The following KIF17 variants were observed in gnomAD, a reference collection of about 807,000 sequenced individuals.
KIF17 encodes kinesin-like protein KIF17.
Under a neutral mutation model 96.8 loss-of-function variants are expected in KIF17, and 80 were observed. The observed-to-expected ratio is 0.83, with a 90% confidence interval of 0.69 to 1.00. The LOEUF (loss-of-function observed/expected upper bound fraction) is 1.00. Ranked by LOEUF, KIF17 falls within the 50% of genes least tolerant of loss-of-function variation. KIF17 has a pLI of 0.00. For synonymous variants in KIF17, 567 were observed against 587.5 expected (o/e 0.97, Z 0.51); for missense variants, 1,280 against 1,372.9 (o/e 0.93, Z 1.07).
At position 20,704,708 on chromosome 1, in the gene KIF17, G is replaced by T; in HGVS notation, c.862C>A (p.Arg288Ser). 2 of 1,613,888 alleles carry T rather than the reference G, an allele frequency of 1.2e-6. No homozygotes were observed. Among genetic ancestry groups the T allele is most frequent in the Non-Finnish European group, 1.7e-6 (2 of 1,179,900 alleles). Residue 288 changes from arginine to serine, a missense_variant, in exon 5 of 15, where the codon CGT becomes AGT. Coordinates refer to ENST00000400463, the MANE Select transcript of KIF17 (RefSeq NM_001122819.3). This position sits in a 1 kb window ranked among gnomAD's most constrained non-coding sequence, Gnocchi z 6.8. ...AGCAGCCGCGTCAGCTTCGAGTCAC[G>T]GTAGGGGACGTGCTTACAGCGCCCG... The part of the protein sequence containing the change: ...VDGRCKHVPY[R>S]DSKLTRLLQD...
rs554887453 is a variant in KIF17, at chr1:20,713,753, G to A, written c.379-198C>T. The stretch of plus-strand genomic sequence containing the variant: ...CTCTCCTGTCTCCAGCTTGGTGGGC[G>A]CTCAGGCCTCTTTGAGTTGCATAAT... On this transcript the variant is annotated intron_variant, in intron 2 of 14. Coordinates refer to ENST00000400463, the MANE Select transcript of KIF17 (RefSeq NM_001122819.3). 7.2e-5 allele frequency among the ~76,000 whole-genome samples: 11 copies of A among 152,174 alleles called. No homozygotes were observed. The South Asian group carries it at 1.7e-3, about 23-fold the overall frequency.
At chr1:20,662,718 C>T (rs2053457860), downstream of KIF17, among the ~76,000 whole-genome samples, 1 of 152,244 alleles carries the variant, frequency 6.6e-6, no homozygotes, top group African/African-American at 2.4e-5. Flanking sequence ...GCAGCCTCGT[C>T]CCCTCTCAGT....
chr1:20,717,669 C>T lies in KIF17; in HGVS notation c.38G>A (p.Arg13His), dbSNP rs762667120. 20 of 1,601,146 alleles carry T rather than the reference C, an allele frequency of 1.2e-5. No homozygotes were observed. The highest frequency in any genetic ancestry group is 1.6e-5 in the Non-Finnish European group (19 of 1,178,320). The stretch of plus-strand genomic sequence containing the variant: ...CTCTCGCTCCCGCTGGTTCATGGGA[C>T]GGCAGCGCACGACAACCTTCACCGC... The part of the protein sequence containing the change: ...SEAVKVVVRC[R>H]PMNQRERELR... Residue 13 changes from arginine (R) to histidine (H), a missense_variant, in exon 1 of 15, where the codon CGT becomes CAT. Coordinates refer to ENST00000400463, the MANE Select transcript of KIF17 (RefSeq NM_001122819.3).
intron 7 of KIF17, among the ~76,000 whole-genome samples, chr1:20,688,296 C>G (rs1474159473): frequency 6.6e-6 from 1 of 152,054 alleles, no homozygotes; most frequent in Non-Finnish European, 1.5e-5. Flanking sequence ...GATCCGCCCC[C>G]ACTCGGCCTC....
chr1:20,714,104 C>G (rs1270224013), intron 2 of KIF17, among the ~76,000 whole-genome samples: 1 of 151,838 alleles, frequency 6.6e-6, no homozygotes, highest in Non-Finnish European at 1.5e-5. Context: ...AAGGCAGGCA[C>G]ATCACAAGGT....
At chr1:20,697,503 A>C (rs2054162823) in intron 6 of KIF17, among the ~76,000 whole-genome samples, 2 of 152,322 alleles carry the variant, frequency 1.3e-5, no homozygotes, top group South Asian at 4.1e-4. Flanking sequence ...GCTACTTGGG[A>C]AGCTGAGGTG....
chr1:20,713,230 A>C (rs1366805524), intron 3 of KIF17, among the ~76,000 whole-genome samples: 1 of 150,990 alleles, frequency 6.6e-6, no homozygotes. Context: ...TCCTGACCTC[A>C]AGTGATCTGC....
At chr1:20,707,960 G>A (rs1036670693) in intron 4 of KIF17, among the ~76,000 whole-genome samples, 3 of 151,494 alleles carry the variant, frequency 2.0e-5, no homozygotes, top group Non-Finnish European at 4.4e-5. Context: ...GTATTTAGGT[G>A]TCAGAACTAT....
At chr1:20,695,636 G>A (rs2054124200) in intron 6 of KIF17, among the ~76,000 whole-genome samples, 1 of 151,782 alleles carries the variant, frequency 6.6e-6, no homozygotes, top group African/African-American at 2.4e-5. Flanking sequence ...ACAGAGAACA[G>A]GGAGGTACAG....
In KIF17 at chr1:20,717,864, CGCCCCGGAGGG is replaced by C; in HGVS notation, c.-169_-159del. On this transcript the variant is annotated 5_prime_UTR_variant, in exon 1 of 15. Coordinates refer to ENST00000400463, the MANE Select transcript of KIF17 (RefSeq NM_001122819.3). The stretch of plus-strand genomic sequence containing the variant: ...CGGGGGGCGGGGACCCCTCGGGGGG[CGCCCCGGAGGG>C]GAGCTGGGCGTCGCAGGACCCGAGC... 2 of 420,178 alleles carry C rather than the reference CGCCCCGGAGGG, an allele frequency of 4.8e-6. No homozygotes were observed. Among genetic ancestry groups the C allele is most frequent in the Non-Finnish European group, 5.7e-6 (2 of 350,512 alleles). 26.0% of individuals were successfully genotyped at this position (420,178 alleles called of 1,614,324 possible). A position where few individuals can be genotyped will look rare whatever the true frequency, so the allele number is the denominator to read the frequency against.
Position 20,709,879 on chromosome 1 carries a change from G to C in KIF17, c.481-51C>G, listed in dbSNP as rs1201562236. 1.4e-5 allele frequency: 22 copies of C among 1,533,392 alleles called. No individual in the cohort carries two copies. The highest frequency in any genetic ancestry group is 1.8e-5 in the Non-Finnish European group (20 of 1,128,532). 95.0% of individuals were successfully genotyped at this position (1,533,392 alleles called of 1,614,324 possible). A position where few individuals can be genotyped will look rare whatever the true frequency, so the allele number is the denominator to read the frequency against. On this transcript the variant is annotated intron_variant, in intron 3 of 14. Coordinates refer to ENST00000400463, the MANE Select transcript of KIF17 (RefSeq NM_001122819.3). The surrounding 1 kb of genome is among the most constrained non-coding windows in gnomAD (Gnocchi z 4.7). ...CGGAACCTCCAGCCGCCAAGGGTTA[G>C]GACCAGGGATGGTCAAGGAACCAGA...
chr1:20,710,289 C>A (rs1304315719), intron 3 of KIF17, among the ~76,000 whole-genome samples: 1 of 152,158 alleles, frequency 6.6e-6, no homozygotes, highest in Non-Finnish European at 1.5e-5. Flanking sequence ...ACCCATGAGC[C>A]CTGAGTGCTG....
Position 20,679,665 on chromosome 1 carries a change from G to A in KIF17, c.2463+2988C>T, listed in dbSNP as rs983236708. Among the ~76,000 whole-genome samples, 53 of 152,202 alleles carry A rather than the reference G, an allele frequency of 3.5e-4. 1 individual carries two copies. Among genetic ancestry groups the A allele is most frequent in the African/African-American group, 1.1e-3 (46 of 41,538 alleles). On this transcript the variant is annotated intron_variant, in intron 11 of 14. Coordinates refer to ENST00000400463, the MANE Select transcript of KIF17 (RefSeq NM_001122819.3). ...GATCCAGGAGCCCAGGAATGCAGGC[G>A]GTGTCTAGAAGCCAAGAGTGACCCA...
At chr1:20,683,761 C>T (rs1248747187) in intron 10 of KIF17, among the ~76,000 whole-genome samples, 4 of 152,234 alleles carry the variant, frequency 2.6e-5, no homozygotes, top group Non-Finnish European at 1.5e-5. Flanking sequence ...CCCTGCACCC[C>T]ACTCTGCGGT....
chr1:20,682,200 C>A (rs997851260), intron 11 of KIF17, among the ~76,000 whole-genome samples: 1 of 152,116 alleles, frequency 6.6e-6, no homozygotes, highest in Non-Finnish European at 1.5e-5. Flanking sequence ...CATGCGTGCA[C>A]ACACACAACA....
At chr1:20,712,547 G>GATA (rs1553152888) in intron 3 of KIF17, among the ~76,000 whole-genome samples, 1 of 68,340 alleles carries the variant, frequency 1.5e-5, no homozygotes, top group African/African-American at 4.2e-5. Context: ...CTATATTATA[G>GATA]ATATTATCTA....
chr1:20,670,588 C>G (rs539422299), intron 12 of KIF17, 100 bp from the exon 13 acceptor site: 1 of 1,073,518 alleles, frequency 9.3e-7, no homozygotes, highest in African/African-American at 1.5e-5. Context: ...CAGGCTTAAA[C>G]AGGGGAGGAC....
At chr1:20,707,787 A>ATATGTGTGTG (rs372420148) in intron 4 of KIF17, among the ~76,000 whole-genome samples, 5 of 124,570 alleles carry the variant, frequency 4.0e-5, no homozygotes, top group African/African-American at 1.6e-4. Context: ...ACCAATGTGT[A>ATATGTGTGTG]TGTGTGTGTG....
Position 20,685,926 on chromosome 1 carries a change from T to A in KIF17, c.2019+120A>T. ...CCACAAGCCCGGGGAAGGCTGGAGTTGTTGTTCTCAGCTCATGGATGAGGA... is the reference window on the plus strand; with the variant it reads ...CCACAAGCCCGGGGAAGGCTGGAGTAGTTGTTCTCAGCTCATGGATGAGGA... On this transcript the variant is annotated intron_variant, in intron 9 of 14. Transcript: ENST00000400463. This position sits in a 1 kb window ranked among gnomAD's most constrained non-coding sequence, Gnocchi z 4.1. 1.2e-6 allele frequency: 1 copy of A among 850,316 alleles called. No homozygotes were observed. The highest frequency in any genetic ancestry group is 1.5e-5 in the South Asian group (1 of 68,668). 52.7% of individuals were successfully genotyped at this position (850,316 alleles called of 1,614,324 possible). A position where few individuals can be genotyped will look rare whatever the true frequency, so the allele number is the denominator to read the frequency against.
Sources: allele counts gnomAD v4.1 joint callset (sites outside exome capture counted in the v4.1 genomes callset), GRCh38; gene constraint gnomAD v4.1.1; non-coding constraint Gnocchi (gnomAD v3.1); transcripts MANE v1.5; gene names NCBI Gene and HGNC (gene_info 2026-07-23, HGNC 2026-07-21).